TRIQK: variants seen among roughly 807,000 people sequenced by gnomAD.
TRIQK encodes triple QxxK/R motif-containing protein.
Under a neutral mutation model 10.8 loss-of-function variants are expected in TRIQK, and 10 were observed. The observed-to-expected ratio is 0.92, with a 90% CI of 0.57 to 1.57. TRIQK has a LOEUF of 1.57. Among genes scored for constraint, TRIQK ranks in the 40% most tolerant of loss-of-function variants. The pLI is 0.00. For missense variants in TRIQK, 107 were observed against 97.7 expected, an observed-to-expected ratio of 1.09 and a Z score of -0.40; for synonymous variants, 33 against 33.7, an observed-to-expected ratio of 0.98 and a Z score of 0.07.
intron 2 of TRIQK, among the ~76,000 whole-genome samples, chr8:92,947,532 C>T (rs763445372): frequency 1.2e-4 from 17 of 140,888 alleles, no homozygotes; most frequent in Admixed American, 3.1e-4. Context: ...TGCAGTGAGC[C>T]GAGATTGCGC....
At chr8:92,932,908 T>A (rs1810807323) in intron 2 of TRIQK, among the ~76,000 whole-genome samples, 1 of 152,182 alleles carries the variant, frequency 6.6e-6, no homozygotes. Flanking sequence ...TCACCTTTTT[T>A]AAGAACCTCT....
intron 1 of TRIQK, among the ~76,000 whole-genome samples, chr8:93,012,528 C>A (rs548195848): frequency 6.6e-6 from 1 of 152,268 alleles, no homozygotes; most frequent in East Asian, 1.9e-4. Context: ...GAAAACTGAA[C>A]TAGATAAACT....
chr8:92,952,208 T>C (rs1811947359), intron 2 of TRIQK, among the ~76,000 whole-genome samples: 1 of 151,922 alleles, frequency 6.6e-6, no homozygotes, highest in South Asian at 2.1e-4. Flanking sequence ...ATGGATAAAG[T>C]AGACACCATG....
intron 2 of TRIQK, among the ~76,000 whole-genome samples, chr8:92,925,056 A>T (rs996384932): frequency 2.6e-5 from 4 of 152,128 alleles, no homozygotes; most frequent in Non-Finnish European, 5.9e-5. Context: ...AGTACAGGAC[A>T]CTTATCTGTG....
At chr8:92,979,469 C>T (rs1189889674) in intron 1 of TRIQK, among the ~76,000 whole-genome samples, 1 of 152,038 alleles carries the variant, frequency 6.6e-6, no homozygotes, top group Non-Finnish European at 1.5e-5. Flanking sequence ...ATGGAACTCT[C>T]AACTTTCATA....
At chr8:92,889,783 A>G (rs1293609920) in intron 4 of TRIQK, among the ~76,000 whole-genome samples, 1 of 151,828 alleles carries the variant, frequency 6.6e-6, no homozygotes, top group East Asian at 1.9e-4. Flanking sequence ...TAAATGTGCC[A>G]GCTTAGACTT....
At chr8:92,927,907 T>A (rs1243530575) in intron 2 of TRIQK, 3 of 152,126 alleles carry the variant, frequency 2.0e-5, no homozygotes, top group Non-Finnish European at 2.9e-5. Context: ...AATAAAAAAA[T>A]AAAATGATAA....
At chr8:92,927,099 C>T (rs747175973) in intron 2 of TRIQK, among the ~76,000 whole-genome samples, 41 of 151,704 alleles carry the variant, frequency 2.7e-4, no homozygotes, top group Admixed American at 5.3e-4. Flanking sequence ...TGGGCAACAC[C>T]AAGAGACCAA....
At chr8:92,957,392 G>T (rs1266365989) in intron 1 of TRIQK, among the ~76,000 whole-genome samples, 1 of 151,608 alleles carries the variant, frequency 6.6e-6, no homozygotes, top group Non-Finnish European at 1.5e-5. Flanking sequence ...AGAATGAAAT[G>T]AAGTATTTTT....
chr8:92,979,998 A>T (rs1283123345), intron 1 of TRIQK, among the ~76,000 whole-genome samples: 1 of 152,078 alleles, frequency 6.6e-6, no homozygotes, highest in East Asian at 1.9e-4. Context: ...GTTGAAGAAT[A>T]GCAACAATAG....
chr8:92,935,910 A>C (rs1289412957), intron 2 of TRIQK, among the ~76,000 whole-genome samples: 1 of 151,678 alleles, frequency 6.6e-6, no homozygotes, highest in Non-Finnish European at 1.5e-5. Flanking sequence ...AATTCAGTGG[A>C]ACTATAATTT....
intron 2 of TRIQK, among the ~76,000 whole-genome samples, chr8:92,934,989 A>G (rs1810911872): frequency 6.6e-6 from 1 of 151,874 alleles, no homozygotes; most frequent in South Asian, 2.1e-4. Context: ...CAATGGATTG[A>G]TGGAGAAAAG....
intron 3 of TRIQK, among the ~76,000 whole-genome samples, chr8:92,912,592 A>C (rs1188571729): frequency 6.6e-6 from 1 of 151,898 alleles, no homozygotes; most frequent in African/African-American, 2.4e-5. Context: ...GAAATAGAGA[A>C]TAGAAAAACA....
intron 2 of TRIQK, among the ~76,000 whole-genome samples, chr8:92,937,583 G>GT (rs71275489): frequency 1.6e-4 from 24 of 145,636 alleles, no homozygotes; most frequent in South Asian, 1.5e-3. Flanking sequence ...CATCTTCTTT[G>GT]TTTTTTTTTT....
chr8:92,947,283 C>T (rs1188964736), intron 2 of TRIQK, among the ~76,000 whole-genome samples: 1 of 151,322 alleles, frequency 6.6e-6, no homozygotes. Context: ...TGGACTTTAT[C>T]TTAAAGCCTT....
intron 2 of TRIQK, among the ~76,000 whole-genome samples, chr8:92,951,459 G>T (rs1202222249): frequency 6.6e-6 from 1 of 152,044 alleles, no homozygotes; most frequent in Non-Finnish European, 1.5e-5. Flanking sequence ...ACAGAAACCC[G>T]TGAGAGGAAA....
At chr8:92,927,305 G>T (rs1479944287) in intron 2 of TRIQK, among the ~76,000 whole-genome samples, 4 of 152,102 alleles carry the variant, frequency 2.6e-5, no homozygotes. Flanking sequence ...AAAAGTGGGT[G>T]ACTTGATGTT....
Position 92,920,354 on chromosome 8 carries a change from T to C in TRIQK, c.-21-3344A>G, listed in dbSNP as rs144661290. Among the ~76,000 whole-genome samples, 413 of 151,610 alleles carry C rather than the reference T, an allele frequency of 2.7e-3. 1 individual carries two copies. Among genetic ancestry groups the C allele is most frequent in the African/African-American group, 9.4e-3 (388 of 41,448 alleles). On this transcript the variant is annotated intron_variant, in intron 2 of 4. Coordinates refer to ENST00000521988, the MANE Select transcript of TRIQK (RefSeq NM_001171797.2). ...TTCCTTCTAGTAAGGCATTACAAGA[T>C]GAAGATGAAGTCAGACAAGAACTAG...
chr8:92,976,590 A>G (rs117869274), intron 1 of TRIQK, among the ~76,000 whole-genome samples: 1 of 152,050 alleles, frequency 6.6e-6, no homozygotes, highest in Non-Finnish European at 1.5e-5. Context: ...ATCTAATTTG[A>G]CTACATCTGC....
Sources: allele counts gnomAD v4.1 joint callset (sites outside exome capture counted in the v4.1 genomes callset), GRCh38; gene constraint gnomAD v4.1.1; transcripts MANE v1.5; gene names NCBI Gene and HGNC (gene_info 2026-07-23, HGNC 2026-07-21).